DOK6: variants seen among roughly 807,000 people sequenced by gnomAD.
The protein encoded by DOK6 is docking protein 6.
A neutral mutation model predicts 44.0 loss-of-function variants in DOK6; 22 were observed. That is an observed-to-expected ratio of 0.50 (90% CI 0.36 to 0.71). DOK6 has a LOEUF of 0.71. Ranked by LOEUF, DOK6 falls within the 30% of genes least tolerant of loss-of-function variation. The probability of loss-of-function intolerance (pLI) is 0.00; values close to 1 mark genes in which losing one functional copy is unlikely to be tolerated. For synonymous variants in DOK6, 166 were observed against 145.5 expected (o/e 1.14, Z -1.01); for missense variants, 340 against 416.4 (o/e 0.82, Z 1.60).
rs192568160 is a variant in DOK6 at position 69,631,687 on chromosome 18, A to T, written c.289+32189A>T. ...CTGTTCAGATGTTCTCCACAATATT[A>T]GACGTTTGATACCGTGAATACATGC... On this transcript the variant is annotated intron_variant, in intron 3 of 7. Transcript: ENST00000382713. Among the ~76,000 whole-genome samples the T allele has an allele frequency of 2.1e-3, 321 of 152,314 alleles. 3 individuals carry two copies. Among genetic ancestry groups the T allele is most frequent in the African/African-American group, 7.4e-3 (306 of 41,574 alleles).
chr18:69,718,397 AC>A (rs1986931216), intron 5 of DOK6, among the ~76,000 whole-genome samples: 1 of 152,214 alleles, frequency 6.6e-6, no homozygotes, highest in African/African-American at 2.4e-5. Flanking sequence ...AGGGAAACAT[AC>A]AGTTTCCATG....
At chr18:69,831,054 T>A (rs1981887845) in intron 7 of DOK6, 1 of 152,290 alleles carries the variant, frequency 6.6e-6, no homozygotes, top group Non-Finnish European at 1.5e-5. Context: ...TTGGCTCACC[T>A]TATTATGGAG....
chr18:69,495,569 G>C (rs1367800595), intron 1 of DOK6, among the ~76,000 whole-genome samples: 1 of 152,164 alleles, frequency 6.6e-6, no homozygotes, highest in Non-Finnish European at 1.5e-5. Flanking sequence ...CACACTGATT[G>C]GTCCATGGGC....
At chr18:69,499,623 G>T (rs769801609) in intron 1 of DOK6, among the ~76,000 whole-genome samples, 7 of 152,036 alleles carry the variant, frequency 4.6e-5, no homozygotes, top group Non-Finnish European at 1.0e-4. Context: ...AGTTTCTGAT[G>T]GCTGACAATT....
chr18:69,649,949 C>T (rs1051424210), intron 3 of DOK6, among the ~76,000 whole-genome samples: 1 of 151,940 alleles, frequency 6.6e-6, no homozygotes, highest in Non-Finnish European at 1.5e-5. Context: ...CCCACTGATC[C>T]TAAAATACAT....
chr18:69,572,215 A>C (rs1045619475), intron 2 of DOK6, among the ~76,000 whole-genome samples: 2 of 152,090 alleles, frequency 1.3e-5, no homozygotes, highest in African/African-American at 4.8e-5. Context: ...TTTGATTAAA[A>C]GGACAAATTT....
intron 6 of DOK6, among the ~76,000 whole-genome samples, chr18:69,748,658 C>T (rs1343373180): frequency 2.0e-5 from 3 of 152,148 alleles, no homozygotes; most frequent in Non-Finnish European, 4.4e-5. Context: ...AATCAAACAA[C>T]AGATGCTGGC....
intron 1 of DOK6, among the ~76,000 whole-genome samples, chr18:69,448,510 T>G (rs1373676694): frequency 2.0e-5 from 3 of 152,126 alleles, no homozygotes; most frequent in African/African-American, 7.2e-5. Flanking sequence ...TAGCTGAGAT[T>G]ACAGGCATGC....
At chr18:69,477,693 A>G (rs1034952043) in intron 1 of DOK6, among the ~76,000 whole-genome samples, 1 of 152,248 alleles carries the variant, frequency 6.6e-6, no homozygotes, top group Non-Finnish European at 1.5e-5. Flanking sequence ...CTGTGACTGT[A>G]TAGAAATGTC....
chr18:69,503,189 C>A (rs1981092735), intron 1 of DOK6, among the ~76,000 whole-genome samples: 1 of 152,092 alleles, frequency 6.6e-6, no homozygotes, highest in Admixed American at 6.6e-5. Context: ...CTGAGACATT[C>A]TTTTATTAGA....
intron 7 of DOK6, among the ~76,000 whole-genome samples, chr18:69,758,135 T>C (rs1316322427): frequency 6.6e-6 from 1 of 152,242 alleles, no homozygotes; most frequent in Non-Finnish European, 1.5e-5. Flanking sequence ...TAAAACATTA[T>C]ACCAAGCACA....
intron 5 of DOK6, among the ~76,000 whole-genome samples, chr18:69,699,274 T>C (rs149942128): frequency 7.2e-5 from 11 of 152,300 alleles, no homozygotes; most frequent in African/African-American, 2.6e-4. Context: ...TCACCCAGGG[T>C]ACATGATTTA....
chr18:69,680,479 C>A (rs1430478351), intron 4 of DOK6, among the ~76,000 whole-genome samples: 39 of 152,128 alleles, frequency 2.6e-4, no homozygotes, highest in African/African-American at 2.4e-5. Flanking sequence ...CCATTCAGAG[C>A]CAGCTAGAAC....
At chr18:69,551,282 C>A (rs999790235) in intron 1 of DOK6, among the ~76,000 whole-genome samples, 1 of 152,110 alleles carries the variant, frequency 6.6e-6, no homozygotes, top group East Asian at 1.9e-4. Context: ...TTTTAGGCAT[C>A]GTGAAGCTTG....
intron 5 of DOK6, among the ~76,000 whole-genome samples, chr18:69,706,669 T>TC (rs1211068976): frequency 5.1e-5 from 2 of 38,882 alleles, no homozygotes; most frequent in Non-Finnish European, 1.0e-4. Context: ...ATGCTATCCC[T>TC]CCCCCCCTCC....
chr18:69,471,091 A>T (rs1435162578), intron 1 of DOK6, among the ~76,000 whole-genome samples: 1 of 151,888 alleles, frequency 6.6e-6, no homozygotes, highest in African/African-American at 2.4e-5. Context: ...CTCTACTAAA[A>T]ATACAAAATT....
rs78439563 is a variant in DOK6 at position 69,843,956 on chromosome 18, C to G, written c.*2573C>G. On this transcript the variant is annotated 3_prime_UTR_variant, in exon 8 of 8. Coordinates refer to ENST00000382713, the MANE Select transcript of DOK6 (RefSeq NM_152721.6). ...GGAGAACTTATATTAGACTAATATC[C>G]TTGACACGAAGCAGGGTTCATTGTA... 1.3e-5 allele frequency: 2 copies of G among 152,208 alleles called. No individual in the cohort carries two copies. Among genetic ancestry groups the G allele is most frequent in the African/African-American group, 2.4e-5 (1 of 41,534 alleles). 9.4% of individuals were successfully genotyped at this position (152,208 alleles called of 1,614,324 possible).
intron 7 of DOK6, among the ~76,000 whole-genome samples, chr18:69,816,854 C>T (rs1599341380): frequency 6.6e-6 from 1 of 152,150 alleles, no homozygotes; most frequent in East Asian, 1.9e-4. Flanking sequence ...AAAACCATAG[C>T]AAATTTTAAC....
chr18:69,750,117 CT>C (rs755626902), intron 6 of DOK6, among the ~76,000 whole-genome samples: 15 of 149,496 alleles, frequency 1.0e-4, no homozygotes, highest in Non-Finnish European at 1.9e-4. Context: ...ATAATTTCTA[CT>C]AGAACAAGTG....
Sources: allele counts gnomAD v4.1 joint callset (sites outside exome capture counted in the v4.1 genomes callset), GRCh38; gene constraint gnomAD v4.1.1; transcripts MANE v1.5; gene names NCBI Gene and HGNC (gene_info 2026-07-23, HGNC 2026-07-21).